FANCD2: variants seen among roughly 807,000 people sequenced by gnomAD.
FANCD2 encodes the protein FA complementation group D2.
Under a neutral mutation model 192.3 loss-of-function variants are expected in FANCD2, and 131 were observed. That is an observed-to-expected ratio of 0.68 (90% CI 0.59 to 0.79). FANCD2 has a LOEUF of 0.79. FANCD2 is among the 30% of genes least tolerant of loss of function. The probability of loss-of-function intolerance (pLI) is 0.00; values close to 1 mark genes in which losing one functional copy is unlikely to be tolerated. For missense variants in FANCD2, 1,508 were observed against 1,701.6 expected, an observed-to-expected ratio of 0.89 and a Z score of 2.00; for synonymous variants, 524 against 612.5, an observed-to-expected ratio of 0.86 and a Z score of 2.13.
Position 10,043,105 on chromosome 3 carries a change from G to C in FANCD2, c.944G>C (p.Arg315Pro). The C allele has an allele frequency of 6.2e-7, 1 of 1,614,028 alleles. No individual in the cohort carries two copies. The change falls in exon 12 of 44, where the codon CGG becomes CCG. Residue 315 changes from arginine (R) to proline (P), a missense_variant. Arg to Pro is a moderately radical substitution (Grantham distance 103, BLOSUM62 -2). Transcript: ENST00000675286. ...CTGCAGCATTGTGTTTTGCCATCACGGTTACAGGCTTCCCAAGTAAAGTTG... is the reference window on the plus strand; with the variant it reads ...CTGCAGCATTGTGTTTTGCCATCACCGTTACAGGCTTCCCAAGTAAAGTTG... ...LDLQHCVLPS[R>P]LQASQVKLKS...
intron 1 of FANCD2, 100 bp from the exon 2 acceptor site, chr3:10,028,525 C>T: frequency 1.3e-6 from 1 of 760,684 alleles, no homozygotes; most frequent in Non-Finnish European, 2.3e-6. Flanking sequence ...AGATGTGAGC[C>T]CCTCTGATTT....
In FANCD2 at chr3:10,065,955, T is replaced by G. The variant is rs765365413; in HGVS notation, c.2361T>G (p.Phe787Leu). 1.9e-5 allele frequency: 31 copies of G among 1,610,934 alleles called. 1 individual carries two copies. In the South Asian group the frequency reaches 3.1e-4, roughly 16 times the overall value. Residue 787 changes from phenylalanine to leucine, a missense_variant, in exon 25 of 44, where the codon TTT becomes TTG. Phe to Leu is a conservative substitution (Grantham distance 22). Transcript: ENST00000675286. ...KERSFMCSLI[F>L]LTLNWFREIV... ...GTTCATTCATGTGTTCTCTCATATT[T>G]CTTACTCTCAACTGGTTCCGAGAGG...
In FANCD2 at chr3:10,039,334, C is replaced by T; in HGVS notation, c.547C>T (p.Leu183Phe). Residue 183 changes from leucine (L) to phenylalanine (F), a missense_variant, in exon 8 of 44, where the codon CTT (leucine) becomes TTT (phenylalanine). Leu to Phe is a conservative substitution (Grantham distance 22). Transcript: ENST00000675286. ...ACTCATTGTCAGTCAACTAAAATGG[C>T]TTGACAGAGTTGTGGATGGCAAGGT... Reference protein sequence around the residue: ...PRLIVSQLKWLDRVVDGKDLT... With the variant: ...PRLIVSQLKWFDRVVDGKDLT... 6.2e-7 allele frequency: 1 copy of T among 1,613,610 alleles called. No individual in the cohort carries two copies. The highest frequency in any genetic ancestry group is 1.7e-5 in the Admixed American group (1 of 60,024).
rs1694822551 is a variant in FANCD2, at chr3:10,094,278, C to T, written c.3889-11C>T. On this transcript the variant is annotated splice_polypyrimidine_tract_variant and intron_variant, in intron 39 of 43. Transcript: ENST00000675286. ...CTCAGCTAGAGGTAACAGTGTGTCT[C>T]TCTTCTTCAGTATGGGCGTCTCTTT... 1 of 1,612,542 alleles carries T rather than the reference C, an allele frequency of 6.2e-7. No homozygotes were observed.
In FANCD2 at chr3:10,034,938, A is replaced by G. The variant is rs1299736559; in HGVS notation, c.377+140A>G. The G allele has an allele frequency of 1.0e-5, 8 of 772,484 alleles. No homozygotes were observed. In the Admixed American group the frequency reaches 1.1e-4, roughly 11 times the overall value. The allele number at this position is 772,484 out of a possible 1,614,324, so 47.9% of individuals were successfully genotyped here. On this transcript the variant is annotated intron_variant, in intron 5 of 43. Transcript: ENST00000675286. Reference sequence around the variant, plus strand: ...TTCCTCAGAGTTTAAACTAAGTTTAAAATTCCTAAGCTTGTGGTTATGAGC... The same window carrying G: ...TTCCTCAGAGTTTAAACTAAGTTTAGAATTCCTAAGCTTGTGGTTATGAGC...
Position 10,034,407 on chromosome 3 carries a change from G to A in FANCD2, c.206-62G>A. 2.6e-6 allele frequency: 3 copies of A among 1,173,134 alleles called. No individual in the cohort carries two copies. In the South Asian group the frequency reaches 3.7e-5, roughly 14 times the overall value. 72.7% of individuals were successfully genotyped at this position (1,173,134 alleles called of 1,614,324 possible). A position where few individuals can be genotyped will look rare whatever the true frequency, so the allele number is the denominator to read the frequency against. The stretch of plus-strand genomic sequence containing the variant: ...TGGTTTCATCAGGCAAGAAACTTGG[G>A]TTTTTAGAGAAGGAAAACTATGGTA... On this transcript the variant is annotated intron_variant, in intron 3 of 43. Coordinates refer to ENST00000675286, the MANE Select transcript of FANCD2 (RefSeq NM_001018115.3).
intron 2 of FANCD2, among the ~76,000 whole-genome samples, chr3:10,028,992 T>G (rs2086524914): frequency 6.6e-6 from 1 of 152,176 alleles, no homozygotes; most frequent in Non-Finnish European, 1.5e-5. Context: ...ATCATTTAGG[T>G]GTTGAGACAC....
At chr3:10,054,419 ATATATACATG>A (rs36211699) in intron 18 of FANCD2, among the ~76,000 whole-genome samples, 5 of 91,950 alleles carry the variant, frequency 5.4e-5, no homozygotes, top group South Asian at 2.7e-4. Flanking sequence ...ACGTATATAC[ATATATACATG>A]TATATACATG....
chr3:10,062,361 C>A, intron 20 of FANCD2, 150 bp downstream of exon 20: 1 of 664,202 alleles, frequency 1.5e-6, no homozygotes, highest in Non-Finnish European at 2.7e-6. Flanking sequence ...CTGCCTCAGC[C>A]TCCAGAGTAG....
At position 10,054,381 on chromosome 3, in the gene FANCD2, A is replaced by G. The variant is rs572854380; in HGVS notation, c.1656+1884A>G. On this transcript the variant is annotated intron_variant, in intron 18 of 43. Transcript: ENST00000675286. Reference sequence around the variant, plus strand: ...TATATATATATACGTGTATATACATATATATATGTATATACGTATATGTAT... The same window carrying G: ...TATATATATATACGTGTATATACATGTATATATGTATATACGTATATGTAT... 6.5e-3 allele frequency among the ~76,000 whole-genome samples: 759 copies of G among 117,084 alleles called. 6 individuals carry two copies. Among genetic ancestry groups the G allele is most frequent in the South Asian group, 0.012 (50 of 4,200 alleles). The allele number at this position is 117,084 out of a possible 152,430, so 76.8% of individuals were successfully genotyped here.
At chr3:10,042,481 A>C in intron 10 of FANCD2, 78 bp from the exon 11 acceptor site, 1 of 1,148,964 alleles carries the variant, frequency 8.7e-7, no homozygotes, top group Non-Finnish European at 1.3e-6. Flanking sequence ...ATTTTTTTCT[A>C]ATTTTATCTA....
At chr3:10,071,920 C>T (rs1354523151) in intron 26 of FANCD2, among the ~76,000 whole-genome samples, 1 of 149,728 alleles carries the variant, frequency 6.7e-6, no homozygotes, top group African/African-American at 2.5e-5. Flanking sequence ...CCACCACACC[C>T]AGCTAATTTT....
chr3:10,032,552 C>T (rs1364295861), intron 2 of FANCD2: 7 of 368,986 alleles, frequency 1.9e-5, no homozygotes, highest in Non-Finnish European at 3.6e-5. Context: ...AGTGATCCTC[C>T]TGCCTTGGCC....
At chr3:10,066,477 T>A (rs2087722117) in intron 25 of FANCD2, among the ~76,000 whole-genome samples, 1 of 152,216 alleles carries the variant, frequency 6.6e-6, no homozygotes, top group Non-Finnish European at 1.5e-5. Context: ...ATAGCTATTG[T>A]CCTCATTTTA....
At chr3:10,078,247 A>G (rs534794241) in intron 30 of FANCD2, 50 bp downstream of exon 30, 19 of 1,227,738 alleles carry the variant, frequency 1.5e-5, no homozygotes, top group Admixed American at 1.2e-4. Flanking sequence ...TTTGGGAACA[A>G]AGGAGGTATT....
At chr3:10,053,474 A>G (rs958269615) in intron 18 of FANCD2, among the ~76,000 whole-genome samples, 5 of 151,976 alleles carry the variant, frequency 3.3e-5, no homozygotes, top group African/African-American at 1.2e-4. Flanking sequence ...ACATGTATAC[A>G]TATGTAACTA....
intron 2 of FANCD2, among the ~76,000 whole-genome samples, chr3:10,031,241 C>A (rs181800267): frequency 6.6e-6 from 1 of 152,088 alleles, no homozygotes. Context: ...CGGTGGCTCA[C>A]GCCTGTAATC....
intron 9 of FANCD2, chr3:10,040,830 C>G (rs2124987536): frequency 7.5e-6 from 2 of 267,490 alleles, no homozygotes; most frequent in African/African-American, 2.3e-5. Context: ...GGGCAAAGTA[C>G]TACGCCATCC....
Position 10,072,927 on chromosome 3 carries a change from A to G in FANCD2, c.2551A>G (p.Thr851Ala). The change falls in exon 27 of 44, where the codon ACA (threonine) becomes GCA (alanine). Residue 851 changes from threonine to alanine, a missense_variant. By Grantham distance (58) the Thr-to-Ala change is moderately conservative (BLOSUM62 0). This residue lies in a region of FANCD2 where 796 missense variants were observed against 879.4 expected (regional missense o/e 0.91). Transcript: ENST00000675286. ...CTTTGATGTGGAAACTTTAGATATA[A>G]CACCTCATACTGTTACTGCTATTTC... ...GNFDVETLDI[T>A]PHTVTAISAK... 6.2e-7 allele frequency: 1 copy of G among 1,612,498 alleles called. No homozygotes were observed. Among genetic ancestry groups the G allele is most frequent in the African/African-American group, 1.3e-5 (1 of 75,022 alleles).
Sources: allele counts gnomAD v4.1 joint callset (sites outside exome capture counted in the v4.1 genomes callset), GRCh38; gene constraint gnomAD v4.1.1; regional missense constraint gnomAD v4.1.1; transcripts MANE v1.5; gene names NCBI Gene and HGNC (gene_info 2026-07-23, HGNC 2026-07-21).